ATXN7: variants seen among roughly 807,000 people sequenced by gnomAD.
ATXN7 encodes the protein ataxin 7.
In ATXN7, 12 loss-of-function variants were observed where a neutral mutation model predicts 70.5. That is an observed-to-expected ratio of 0.17 (90% CI 0.11 to 0.28). The LOEUF (loss-of-function observed/expected upper bound fraction) is 0.28. Ranked by LOEUF, ATXN7 falls within the 10% of genes least tolerant of loss-of-function variation. ATXN7 has a pLI of 1.00. For missense variants in ATXN7, 1,256 were observed against 1,131.7 expected, an observed-to-expected ratio of 1.11 and a Z score of -1.58; for synonymous variants, 498 against 448.7, an observed-to-expected ratio of 1.11 and a Z score of -1.39.
At chr3:63,935,520 C>T (rs1320705495) in intron 4 of ATXN7, among the ~76,000 whole-genome samples, 30 of 152,166 alleles carry the variant, frequency 2.0e-4, no homozygotes, top group Admixed American at 2.0e-3. Flanking sequence ...CTGTGAATAT[C>T]TGGGCTTTGC....
intron 1 of ATXN7, among the ~76,000 whole-genome samples, chr3:63,887,347 C>T (rs1703120194): frequency 6.6e-6 from 1 of 152,254 alleles, no homozygotes; most frequent in East Asian, 1.9e-4. Context: ...TGGCACATTG[C>T]AAAAATTTGT....
At chr3:63,967,744 G>A (rs1026097039) in intron 5 of ATXN7, 3 of 1,408,966 alleles carry the variant, frequency 2.1e-6, no homozygotes, top group African/African-American at 2.9e-5. Context: ...TCCACCCCCT[G>A]TTTTCTGTTG....
In ATXN7 at chr3:63,866,079, ACT is replaced by A. The variant is rs1702416064; in HGVS notation, c.-111+1926_-111+1927del. 3.9e-5 allele frequency among the ~76,000 whole-genome samples: 6 copies of A among 152,000 alleles called. No individual in the cohort carries two copies. In the South Asian group the frequency reaches 1.0e-3, roughly 26 times the overall value. On this transcript the variant is annotated intron_variant, in intron 1 of 12. Coordinates refer to ENST00000674280, the MANE Select transcript of ATXN7 (RefSeq NM_001377405.1). ...CCTGTAACTTAAATTTTCGTGAGATACTCTCTGAGTTATTCATAAATGGAGTG... is the reference window on the plus strand; with the variant it reads ...CCTGTAACTTAAATTTTCGTGAGATACTCTGAGTTATTCATAAATGGAGTG...
At chr3:63,880,326 G>C (rs560989088) in intron 1 of ATXN7, among the ~76,000 whole-genome samples, 5 of 152,226 alleles carry the variant, frequency 3.3e-5, no homozygotes, top group Admixed American at 1.3e-4. Context: ...CTTTTAGACA[G>C]GTCACAAATA....
chr3:63,882,766 A>G (rs1002755253), intron 1 of ATXN7, among the ~76,000 whole-genome samples: 1 of 152,182 alleles, frequency 6.6e-6, no homozygotes. Context: ...TTTAAAGATC[A>G]TGATTTTAGG....
chr3:63,967,580 G>GA (rs1367970549), intron 5 of ATXN7, among the ~76,000 whole-genome samples: 1 of 151,888 alleles, frequency 6.6e-6, no homozygotes. Flanking sequence ...AAGGTATTCA[G>GA]AAAAAAAATT....
At chr3:63,898,770 A>G (rs1386152531) in intron 2 of ATXN7, among the ~76,000 whole-genome samples, 1 of 152,244 alleles carries the variant, frequency 6.6e-6, no homozygotes. Context: ...CTTTAGTTAT[A>G]GAATCCTCCT....
At chr3:63,945,504 A>T (rs1327855547) in intron 4 of ATXN7, among the ~76,000 whole-genome samples, 1 of 152,256 alleles carries the variant, frequency 6.6e-6, no homozygotes, top group African/African-American at 2.4e-5. Context: ...ATTCCAGCAG[A>T]TGATGACCAT....
Position 63,977,535 on chromosome 3 carries a change from G to A in ATXN7, c.500-2380G>A, listed in dbSNP as rs116109364. Among the ~76,000 whole-genome samples, 563 of 152,142 alleles carry A rather than the reference G, an allele frequency of 3.7e-3. 3 individuals are homozygous for A. Among genetic ancestry groups the A allele is most frequent in the African/African-American group, 0.013 (525 of 41,506 alleles). ...CAAGGTGATTTTTGTAGATAAACAC[G>A]GATGAATATTTTAATGTTCAGTTTA... On this transcript the variant is annotated intron_variant, in intron 5 of 12. Coordinates refer to ENST00000674280, the MANE Select transcript of ATXN7 (RefSeq NM_001377405.1).
chr3:63,894,908 T>C (rs973416088), intron 1 of ATXN7, among the ~76,000 whole-genome samples: 6 of 152,122 alleles, frequency 3.9e-5, no homozygotes, highest in South Asian at 2.1e-4. Flanking sequence ...AATGGAGAGA[T>C]TGGAGTCAGC....
intron 12 of ATXN7, chr3:63,997,641 AC>A: frequency 6.4e-7 from 1 of 1,552,198 alleles, no homozygotes; most frequent in Non-Finnish European, 8.7e-7. Flanking sequence ...CACCTTGCTT[AC>A]GAACAGGAAT....
At position 63,996,324 on chromosome 3, in the gene ATXN7, A is replaced by G. The variant is rs2075758813; in HGVS notation, c.2502A>G (p.Gly834=). 6.2e-7 allele frequency: 1 copy of G among 1,614,078 alleles called. No individual in the cohort carries two copies. Among genetic ancestry groups the G allele is most frequent in the South Asian group, 1.1e-5 (1 of 91,088 alleles). ...ACACTCCTCTAGACAAACTCATAGG[A>G]AAGAAAAGAAAGTGCTCACCCAGCT... ...HSHTPLDKLI[G]KKRKCSPSSS... is the part of the protein sequence containing the mutation. The change falls in exon 12 of 13, where the codon GGA becomes GGG. Residue 834 remains glycine (G), a synonymous_variant. Coordinates refer to ENST00000674280, the MANE Select transcript of ATXN7 (RefSeq NM_001377405.1).
intron 4 of ATXN7, among the ~76,000 whole-genome samples, chr3:63,930,958 T>A (rs1039160880): frequency 3.9e-5 from 6 of 152,230 alleles, no homozygotes; most frequent in African/African-American, 1.2e-4. Flanking sequence ...TTGATTTTGT[T>A]AAATATGGCT....
In ATXN7 at chr3:63,912,934, ACGCCCTCCTCCCCCCTTCACCCCCTCG is replaced by A; in HGVS notation, c.325+14_325+40del. On this transcript the variant is annotated intron_variant, in intron 3 of 12. Coordinates refer to ENST00000674280, the MANE Select transcript of ATXN7 (RefSeq NM_001377405.1). Reference sequence around the variant, plus strand: ...TTCCTGGGAAGGACGGTGAGTGTCCACGCCCTCCTCCCCCCTTCACCCCCTCGCGACCCCCTCCTCTCTCCTCCCCTC... The same window carrying A: ...TTCCTGGGAAGGACGGTGAGTGTCCACGACCCCCTCCTCTCTCCTCCCCTC... 6.2e-7 allele frequency: 1 copy of A among 1,601,520 alleles called. No homozygotes were observed. The highest frequency in any genetic ancestry group is 1.1e-5 in the South Asian group (1 of 90,870).
At chr3:63,875,081 T>C (rs1252735290) in intron 1 of ATXN7, among the ~76,000 whole-genome samples, 1 of 152,156 alleles carries the variant, frequency 6.6e-6, no homozygotes, top group Non-Finnish European at 1.5e-5. Flanking sequence ...CCACATCCTA[T>C]TACCATAACT....
chr3:63,887,008 A>G (rs151243278), intron 1 of ATXN7, among the ~76,000 whole-genome samples: 1 of 152,288 alleles, frequency 6.6e-6, no homozygotes, highest in East Asian at 1.9e-4. Flanking sequence ...GAGAAATGAA[A>G]AACTCTCATC....
At chr3:63,875,708 G>A (rs757893726) in intron 1 of ATXN7, among the ~76,000 whole-genome samples, 4 of 152,058 alleles carry the variant, frequency 2.6e-5, no homozygotes, top group Non-Finnish European at 5.9e-5. Context: ...TCTTTTATAT[G>A]GTCCTGGCTG....
chr3:63,872,738 A>G (rs1702635214), intron 1 of ATXN7, among the ~76,000 whole-genome samples: 1 of 152,232 alleles, frequency 6.6e-6, no homozygotes, highest in African/African-American at 2.4e-5. Context: ...CTTTTGTTAT[A>G]GTAACTAAAC....
chr3:63,984,929 T>A (rs1347892642), intron 8 of ATXN7, among the ~76,000 whole-genome samples: 1 of 152,242 alleles, frequency 6.6e-6, no homozygotes. Flanking sequence ...TCTTCAAGCT[T>A]ACCTCATACT....
Sources: gnomAD v4.1 joint callset for allele counts (sites outside exome capture counted in the v4.1 genomes callset) on GRCh38, gnomAD v4.1.1 for gene constraint, MANE v1.5 for transcripts, NCBI Gene and HGNC (gene_info 2026-07-23, HGNC 2026-07-21) for gene names.